The following DSCAM variants were observed in gnomAD, a reference collection of about 807,000 sequenced individuals.
DSCAM encodes the protein cell adhesion molecule DSCAM.
DSCAM carries 47 observed loss-of-function variants against 217.7 expected under a neutral mutation model. The ratio of observed to expected loss-of-function variants is 0.22; its 90% CI spans 0.17 to 0.28. DSCAM has a LOEUF of 0.28. Among genes scored for constraint, DSCAM ranks in the 10% least tolerant of loss-of-function variants. DSCAM has a pLI of 1.00. For missense variants in DSCAM, 2,080 were observed against 2,618.3 expected (o/e 0.79, Z 4.49); for synonymous variants, 1,056 against 1,015.3 (o/e 1.04, Z -0.76).
At chr21:40,412,386 T>C (rs933219094) in intron 3 of DSCAM, among the ~76,000 whole-genome samples, 1 of 152,172 alleles carries the variant, frequency 6.6e-6, no homozygotes, top group Non-Finnish European at 1.5e-5. Flanking sequence ...CCCTAGAGCC[T>C]AGTTGAATGG....
chr21:40,098,006 GAA>G (rs2089704398), intron 20 of DSCAM, among the ~76,000 whole-genome samples: 1 of 116,338 alleles, frequency 8.6e-6, no homozygotes, highest in Non-Finnish European at 1.8e-5. Context: ...AAGAAAGAAA[GAA>G]AGAAAGAAAT....
At chr21:40,171,297 C>T (rs2090654877) in intron 15 of DSCAM, among the ~76,000 whole-genome samples, 3 of 151,976 alleles carry the variant, frequency 2.0e-5, no homozygotes, top group South Asian at 2.1e-4. Context: ...AGGCTGGTCT[C>T]GAACTCCTGG....
intron 3 of DSCAM, among the ~76,000 whole-genome samples, chr21:40,647,957 TA>T (rs1055699025): frequency 3.3e-5 from 5 of 152,094 alleles, no homozygotes; most frequent in African/African-American, 9.7e-5. Context: ...ATGTGCTGCA[TA>T]GGGGGAGGGA....
At chr21:40,471,003 C>T (rs1169578729) in intron 3 of DSCAM, among the ~76,000 whole-genome samples, 1 of 152,188 alleles carries the variant, frequency 6.6e-6, no homozygotes, top group Non-Finnish European at 1.5e-5. Context: ...GTTTTCCTCC[C>T]TAGACCCTAG....
intron 11 of DSCAM, among the ~76,000 whole-genome samples, chr21:40,244,464 A>AG (rs2073195541): frequency 6.6e-6 from 1 of 152,072 alleles, no homozygotes; most frequent in African/African-American, 2.4e-5. Context: ...AAAAAAAAAA[A>AG]AAAAAAAAGT....
intron 20 of DSCAM, among the ~76,000 whole-genome samples, chr21:40,120,396 T>C (rs116747103): frequency 6.6e-6 from 1 of 152,224 alleles, no homozygotes; most frequent in Non-Finnish European, 1.5e-5. Flanking sequence ...AATGCTTATT[T>C]AATGTGTATA....
chr21:40,150,861 T>C (rs1195649871), intron 16 of DSCAM, among the ~76,000 whole-genome samples: 1 of 152,210 alleles, frequency 6.6e-6, no homozygotes, highest in Non-Finnish European at 1.5e-5. Context: ...TAATTAGCAC[T>C]GTAGAACAAT....
At chr21:40,108,075 G>A (rs1021068472) in intron 20 of DSCAM, among the ~76,000 whole-genome samples, 3 of 152,148 alleles carry the variant, frequency 2.0e-5, no homozygotes, top group Non-Finnish European at 4.4e-5. Context: ...GGCAAAAGCT[G>A]GAAGTATTCC....
At chr21:40,835,840 T>C (rs771521433) in intron 1 of DSCAM, among the ~76,000 whole-genome samples, 4 of 152,220 alleles carry the variant, frequency 2.6e-5, no homozygotes, top group Non-Finnish European at 5.9e-5. Flanking sequence ...TTGTCATATA[T>C]GTAACAAGGT....
At chr21:40,771,906 A>C (rs578127377) in intron 1 of DSCAM, among the ~76,000 whole-genome samples, 1 of 152,194 alleles carries the variant, frequency 6.6e-6, no homozygotes, top group Admixed American at 6.5e-5. Context: ...TACAATGAAG[A>C]GGGGAAAATG....
chr21:40,642,765 T>C (rs1177447484), intron 3 of DSCAM, among the ~76,000 whole-genome samples: 9 of 152,118 alleles, frequency 5.9e-5, no homozygotes, highest in African/African-American at 2.2e-4. Context: ...TATTTTATTT[T>C]TTTAGTAGAG....
At chr21:40,467,930 C>CAAAAAAAAAA (rs56379350) in intron 3 of DSCAM, among the ~76,000 whole-genome samples, 5 of 84,388 alleles carry the variant, frequency 5.9e-5, no homozygotes, top group African/African-American at 1.8e-4. Context: ...AAAGATTAAC[C>CAAAAAAAAAA]AAAAAAAAAA....
At chr21:40,296,604 A>T (rs1477897831) in intron 9 of DSCAM, among the ~76,000 whole-genome samples, 1 of 152,032 alleles carries the variant, frequency 6.6e-6, no homozygotes, top group African/African-American at 2.4e-5. Context: ...GTCCGAGGCA[A>T]GCAGATCACC....
intron 3 of DSCAM, among the ~76,000 whole-genome samples, chr21:40,426,083 T>A (rs1192372052): frequency 6.6e-6 from 1 of 152,126 alleles, no homozygotes; most frequent in Non-Finnish European, 1.5e-5. Flanking sequence ...GGTCAGAGGG[T>A]GTGGCTGGCC....
intron 1 of DSCAM, among the ~76,000 whole-genome samples, chr21:40,806,656 T>G (rs1043794005): frequency 6.6e-6 from 1 of 152,238 alleles, no homozygotes; most frequent in Non-Finnish European, 1.5e-5. Context: ...GAAATTAGTG[T>G]TTCCGTATGT....
At chr21:40,791,089 C>G (rs1470951102) in intron 1 of DSCAM, among the ~76,000 whole-genome samples, 1 of 150,976 alleles carries the variant, frequency 6.6e-6, no homozygotes, top group African/African-American at 2.4e-5. Context: ...GAGGCTAAGG[C>G]AGGAGAATCG....
chr21:40,231,856 T>C (rs548760323), intron 11 of DSCAM, among the ~76,000 whole-genome samples: 2 of 152,366 alleles, frequency 1.3e-5, no homozygotes, highest in African/African-American at 4.8e-5. Context: ...GCTCTTCATG[T>C]GTCAGAGCTG....
intron 3 of DSCAM, among the ~76,000 whole-genome samples, chr21:40,456,147 G>A (rs2075761700): frequency 6.6e-6 from 1 of 151,702 alleles, no homozygotes; most frequent in South Asian, 2.1e-4. Context: ...AAATAATAGA[G>A]AAGTATCATT....
intron 3 of DSCAM, among the ~76,000 whole-genome samples, chr21:40,514,287 T>G (rs1486804049): frequency 6.6e-6 from 1 of 152,164 alleles, no homozygotes; most frequent in African/African-American, 2.4e-5. Context: ...CACCCTGTTT[T>G]CACTGAGCCA....
Sources: allele counts gnomAD v4.1 joint callset (sites outside exome capture counted in the v4.1 genomes callset), GRCh38; gene constraint gnomAD v4.1.1; transcripts MANE v1.5; gene names NCBI Gene and HGNC (gene_info 2026-07-23, HGNC 2026-07-21).